MSRB3: variants seen among roughly 807,000 people sequenced by gnomAD.
The protein encoded by MSRB3 is methionine sulfoxide reductase B3, also known as methionine-R-sulfoxide reductase B3.
Under a neutral mutation model 21.0 loss-of-function variants are expected in MSRB3, and 13 were observed. The observed-to-expected ratio is 0.62, with a 90% CI of 0.40 to 0.98. The LOEUF is 0.98. MSRB3 is among the 50% of genes least tolerant of loss of function. MSRB3 has a pLI of 0.00. For synonymous variants in MSRB3, 87 were observed against 88.6 expected, an observed-to-expected ratio of 0.98 and a Z score of 0.10; for missense variants, 199 against 230.3, an observed-to-expected ratio of 0.86 and a Z score of 0.88.
rs577007374 is a variant in MSRB3, at chr12:65,338,943, G to A, written c.263+10340G>A. Among the ~76,000 whole-genome samples the A allele has an allele frequency of 5.3e-5, 8 of 152,154 alleles. No individual in the cohort carries two copies. In the South Asian group the frequency reaches 1.5e-3, roughly 28 times the overall value. On this transcript the variant is annotated intron_variant, in intron 4 of 6. Transcript: ENST00000308259. Reference sequence around the variant, plus strand: ...ACAAAAGAAATTAGCCAGGTGTGGCGGCATGCACCAGTAGTCCCAGTTACT... The same window carrying A: ...ACAAAAGAAATTAGCCAGGTGTGGCAGCATGCACCAGTAGTCCCAGTTACT...
intron 5 of MSRB3, among the ~76,000 whole-genome samples, chr12:65,377,250 A>G (rs905206669): frequency 6.6e-6 from 1 of 152,164 alleles, no homozygotes; most frequent in Non-Finnish European, 1.5e-5. Flanking sequence ...AAAGGCAAGA[A>G]CCATGTCTCA....
At position 65,444,706 on chromosome 12, in the gene MSRB3, A is replaced by C. The variant is rs191530644; in HGVS notation, c.293-9022A>C. Among the ~76,000 whole-genome samples, 31 of 152,224 alleles carry C rather than the reference A, an allele frequency of 2.0e-4. 1 individual carries two copies. The East Asian group carries it at 5.8e-3, about 28-fold the overall frequency. ...CTTTCCAATCTAATACTCATTGTTGAAATCTGCAGTGTCTCTCAGGTCTTA... is the reference window on the plus strand; with the variant it reads ...CTTTCCAATCTAATACTCATTGTTGCAATCTGCAGTGTCTCTCAGGTCTTA... On this transcript the variant is annotated intron_variant, in intron 5 of 6. Transcript: ENST00000308259.
At chr12:65,317,567 T>C (rs1874381602) in intron 2 of MSRB3, among the ~76,000 whole-genome samples, 1 of 152,218 alleles carries the variant, frequency 6.6e-6, no homozygotes, top group East Asian at 1.9e-4. Context: ...AGCATTTTTT[T>C]CAGAGCCAGT....
At chr12:65,360,075 C>T (rs989712931) in intron 4 of MSRB3, among the ~76,000 whole-genome samples, 8 of 152,072 alleles carry the variant, frequency 5.3e-5, no homozygotes, top group African/African-American at 1.7e-4. Context: ...CTGGCCTTGT[C>T]TCTGTGTGTG....
At chr12:65,384,170 A>G (rs574976727) in intron 5 of MSRB3, among the ~76,000 whole-genome samples, 1 of 152,354 alleles carries the variant, frequency 6.6e-6, no homozygotes, top group Non-Finnish European at 1.5e-5. Context: ...TTCAAAGGAC[A>G]TTATATCTTT....
intron 4 of MSRB3, among the ~76,000 whole-genome samples, chr12:65,350,307 C>T (rs1043608264): frequency 6.6e-6 from 1 of 151,838 alleles, no homozygotes; most frequent in Admixed American, 6.6e-5. Context: ...GTTTTGGTTA[C>T]TGTAGCCTTG....
At chr12:65,303,265 T>C (rs1032465368) in intron 1 of MSRB3, among the ~76,000 whole-genome samples, 3 of 152,206 alleles carry the variant, frequency 2.0e-5, no homozygotes, top group Non-Finnish European at 4.4e-5. Flanking sequence ...ATACCATCTC[T>C]TTTTGGAAGA....
intron 5 of MSRB3, among the ~76,000 whole-genome samples, chr12:65,390,653 A>G (rs1041438775): frequency 6.6e-6 from 1 of 152,178 alleles, no homozygotes; most frequent in Non-Finnish European, 1.5e-5. Context: ...GAAAATATTC[A>G]GAGATAAAAG....
chr12:65,457,208 T>C (rs903622062), intron 6 of MSRB3, among the ~76,000 whole-genome samples: 1 of 152,092 alleles, frequency 6.6e-6, no homozygotes, highest in Non-Finnish European at 1.5e-5. Context: ...TTCTCCCGTT[T>C]ATTTTATTTT....
chr12:65,405,264 A>G (rs974764345), intron 5 of MSRB3, among the ~76,000 whole-genome samples: 1 of 151,972 alleles, frequency 6.6e-6, no homozygotes, highest in African/African-American at 2.4e-5. Flanking sequence ...CTTAACTTCT[A>G]TAAACTCAAC....
intron 5 of MSRB3, among the ~76,000 whole-genome samples, chr12:65,451,566 C>T (rs1882858791): frequency 6.6e-6 from 1 of 152,114 alleles, no homozygotes; most frequent in Non-Finnish European, 1.5e-5. Context: ...TGGCAAGTAA[C>T]TTATCCTTCT....
chr12:65,350,976 C>T (rs1306858393), intron 4 of MSRB3, among the ~76,000 whole-genome samples: 1 of 149,490 alleles, frequency 6.7e-6, no homozygotes, highest in Non-Finnish European at 1.5e-5. Context: ...TAGACATCTA[C>T]AGAACTCTCC....
rs559851793 is a variant in MSRB3, at chr12:65,348,146, T to C, written c.263+19543T>C. Among the ~76,000 whole-genome samples, 19 of 152,350 alleles carry C rather than the reference T, an allele frequency of 1.2e-4. 1 individual carries two copies. The South Asian group carries it at 3.7e-3, about 30-fold the overall frequency. ...CCTCTTTTTCTGTTGATTGGAATAG[T>C]TTCAGAAGAAATGGTACCAGCTCCT... is the stretch of plus-strand genomic sequence containing the variant. On this transcript the variant is annotated intron_variant, in intron 4 of 6. Coordinates refer to ENST00000308259, the MANE Select transcript of MSRB3 (RefSeq NM_001031679.3).
At chr12:65,418,666 C>A in intron 5 of MSRB3, 3 of 626,102 alleles carry the variant, frequency 4.8e-6, no homozygotes, top group South Asian at 1.9e-5. Context: ...TTTTTTTTAA[C>A]CTCTGAACTT....
intron 4 of MSRB3, among the ~76,000 whole-genome samples, chr12:65,348,600 G>C: frequency 6.6e-6 from 1 of 152,046 alleles, no homozygotes; most frequent in Non-Finnish European, 1.5e-5. Flanking sequence ...GTTCTGCTCT[G>C]ATCTTAGTTA....
intron 5 of MSRB3, among the ~76,000 whole-genome samples, chr12:65,425,362 A>C (rs565462326): frequency 2.0e-5 from 3 of 152,156 alleles, no homozygotes; most frequent in African/African-American, 7.2e-5. Context: ...CAAGGTAATT[A>C]TTGATAGGTT....
intron 6 of MSRB3, among the ~76,000 whole-genome samples, chr12:65,459,676 C>T (rs1199276512): frequency 2.0e-5 from 3 of 152,160 alleles, no homozygotes; most frequent in African/African-American, 4.8e-5. Flanking sequence ...TTTCATAGAT[C>T]AAACACTTAA....
intron 1 of MSRB3, among the ~76,000 whole-genome samples, chr12:65,292,130 A>G (rs1872698651): frequency 6.6e-6 from 1 of 152,140 alleles, no homozygotes; most frequent in African/African-American, 2.4e-5. Flanking sequence ...GAAGCCACTA[A>G]TGGTGTTCAT....
At chr12:65,367,223 G>A (rs1878062981) in intron 4 of MSRB3, among the ~76,000 whole-genome samples, 1 of 152,202 alleles carries the variant, frequency 6.6e-6, no homozygotes, top group African/African-American at 2.4e-5. Flanking sequence ...TGTAAAGCCA[G>A]ATGAAAGAGG....
Sources: allele counts gnomAD v4.1 joint callset (sites outside exome capture counted in the v4.1 genomes callset), GRCh38; gene constraint gnomAD v4.1.1; transcripts MANE v1.5; gene names NCBI Gene and HGNC (gene_info 2026-07-23, HGNC 2026-07-21).